The following STK3 variants were observed in gnomAD, a reference collection of about 807,000 sequenced individuals.
STK3 encodes the protein serine/threonine kinase 3, also known as serine/threonine-protein kinase 3.
In STK3, 41 loss-of-function variants were observed where a neutral mutation model predicts 58.0. The ratio of observed to expected loss-of-function variants is 0.71; its 90% confidence interval spans 0.55 to 0.92. STK3 has a LOEUF of 0.92. Among genes scored for constraint, STK3 ranks in the 40% least tolerant of loss-of-function variants. STK3 has a pLI of 0.00. For missense variants in STK3, 479 were observed against 602.7 expected, an observed-to-expected ratio of 0.79 and a Z score of 2.15; for synonymous variants, 170 against 191.0, an observed-to-expected ratio of 0.89 and a Z score of 0.91.
At chr8:98,722,968 C>T (rs769630006) in intron 4 of STK3, 1 of 428,400 alleles carries the variant, frequency 2.3e-6, no homozygotes, top group Non-Finnish European at 4.5e-6. Flanking sequence ...TGTTAAGAAT[C>T]CCTTAAAACA....
chr8:98,801,792 C>CT (rs530525129), intron 1 of STK3, among the ~76,000 whole-genome samples: 19 of 149,602 alleles, frequency 1.3e-4, no homozygotes, highest in South Asian at 4.2e-4. Flanking sequence ...TAGGATATGC[C>CT]TTTTTTTTTT....
chr8:98,685,654 C>G (rs1309136824), intron 6 of STK3, among the ~76,000 whole-genome samples: 3 of 152,020 alleles, frequency 2.0e-5, no homozygotes, highest in African/African-American at 7.2e-5. Context: ...GGAAGCAGTA[C>G]TGAAATTCCC....
intron 1 of STK3, among the ~76,000 whole-genome samples, chr8:98,446,014 G>C (rs1818931942): frequency 6.6e-6 from 1 of 152,224 alleles, no homozygotes; most frequent in Non-Finnish European, 1.5e-5. Flanking sequence ...GCAGGGCAGA[G>C]AGAGTAAGCA....
rs1342527715 is a variant in STK3, at chr8:98,703,246, T to C, written c.684+3221A>G. 3.3e-5 allele frequency among the ~76,000 whole-genome samples: 5 copies of C among 152,302 alleles called. No individual in the cohort carries two copies. In the East Asian group the frequency reaches 9.6e-4, roughly 29 times the overall value. On this transcript the variant is annotated intron_variant, in intron 6 of 10. Transcript: ENST00000419617. ...GGATATTAACACAGAGGATATTTCT[T>C]TGGTGTCTAGGCAAAAACACAGAAC...
At chr8:98,658,790 T>C (rs949382238) in intron 6 of STK3, among the ~76,000 whole-genome samples, 21 of 152,068 alleles carry the variant, frequency 1.4e-4, no homozygotes, top group African/African-American at 5.1e-4. Flanking sequence ...TAAGAATTAC[T>C]AATGAGACAA....
At chr8:98,680,976 CCTTT>C (rs1436944799) in intron 6 of STK3, among the ~76,000 whole-genome samples, 7 of 144,944 alleles carry the variant, frequency 4.8e-5, no homozygotes, top group Admixed American at 7.7e-5. Context: ...TCTAACCCCA[CCTTT>C]CTTTTTTTTT....
chr8:98,667,772 T>C (rs2130822779), intron 6 of STK3, among the ~76,000 whole-genome samples: 1 of 152,170 alleles, frequency 6.6e-6, no homozygotes, highest in South Asian at 2.1e-4. Context: ...AGTGATACAA[T>C]TAGTAACATG....
intron 7 of STK3, among the ~76,000 whole-genome samples, chr8:98,594,205 G>A (rs1432460754): frequency 6.6e-6 from 1 of 152,108 alleles, no homozygotes; most frequent in African/African-American, 2.4e-5. Flanking sequence ...TACTCAGGAG[G>A]CTGAGGTGGG....
intron 1 of STK3, among the ~76,000 whole-genome samples, chr8:98,886,506 A>T (rs1837996404): frequency 6.6e-6 from 1 of 152,270 alleles, no homozygotes. Context: ...ATTTATATGC[A>T]ATATTAGGAT....
At chr8:98,905,292 G>T in intron 1 of STK3, 2 of 832,722 alleles carry the variant, frequency 2.4e-6, no homozygotes, top group Non-Finnish European at 4.2e-6. Context: ...CGGTCTCACT[G>T]CGTCCTCTGA....
chr8:98,621,559 TGAA>T (rs1319660730), intron 6 of STK3, among the ~76,000 whole-genome samples: 1 of 152,198 alleles, frequency 6.6e-6, no homozygotes, highest in Non-Finnish European at 1.5e-5. Flanking sequence ...TTCATCAAAT[TGAA>T]GAAGTTATCT....
chr8:98,674,204 G>T (rs1329388808), intron 6 of STK3, among the ~76,000 whole-genome samples: 1 of 152,074 alleles, frequency 6.6e-6, no homozygotes, highest in Non-Finnish European at 1.5e-5. Flanking sequence ...ATAAAGAGAT[G>T]ACATGCATGA....
chr8:98,768,558 G>T (rs1409158459), intron 2 of STK3, among the ~76,000 whole-genome samples: 1 of 152,138 alleles, frequency 6.6e-6, no homozygotes, highest in Non-Finnish European at 1.5e-5. Flanking sequence ...GGGAATGTAT[G>T]TGTGTGTATC....
At chr8:98,368,950 A>T (rs1817587758), downstream of STK3, among the ~76,000 whole-genome samples, 1 of 152,158 alleles carries the variant, frequency 6.6e-6, no homozygotes, top group Non-Finnish European at 1.5e-5. Flanking sequence ...GCATCACTGG[A>T]CATGTCTGAG....
chr8:98,643,017 G>A (rs1437065208), intron 6 of STK3, among the ~76,000 whole-genome samples: 1 of 152,126 alleles, frequency 6.6e-6, no homozygotes, highest in Non-Finnish European at 1.5e-5. Context: ...GAGCCCAGGA[G>A]TTTGGGACCA....
intron 1 of STK3, among the ~76,000 whole-genome samples, chr8:98,777,133 T>C (rs966833611): frequency 6.6e-6 from 1 of 151,818 alleles, no homozygotes; most frequent in Admixed American, 6.6e-5. Flanking sequence ...TACAAAAAAA[T>C]ACCTTCAGAG....
chr8:98,595,149 T>C lies in STK3; in HGVS notation c.822+883A>G, dbSNP rs966282899. 2.0e-5 allele frequency: 3 copies of C among 152,332 alleles called. No individual in the cohort carries two copies. In the East Asian group the frequency reaches 5.8e-4, roughly 29 times the overall value. 9.4% of individuals were successfully genotyped at this position (152,332 alleles called of 1,614,324 possible). On this transcript the variant is annotated intron_variant, in intron 7 of 10. Coordinates refer to ENST00000419617, the MANE Select transcript of STK3 (RefSeq NM_006281.4). The stretch of plus-strand genomic sequence containing the variant: ...GGATCAAAGAATATATGGATTTTTA[T>C]TTTAAATAGATATTGCTGTACTGGC...
chr8:98,754,880 G>A (rs925112960), intron 3 of STK3, among the ~76,000 whole-genome samples: 7 of 152,046 alleles, frequency 4.6e-5, no homozygotes, highest in Non-Finnish European at 8.8e-5. Flanking sequence ...ATGAATTGAC[G>A]ATTATGTTCA....
At chr8:98,415,174 C>T (rs1361812037) in intron 3 of STK3, among the ~76,000 whole-genome samples, 1 of 152,188 alleles carries the variant, frequency 6.6e-6, no homozygotes, top group Non-Finnish European at 1.5e-5. Context: ...CAATAAGGAA[C>T]CATCTTGGAA....
Sources: gnomAD v4.1 joint callset for allele counts (sites outside exome capture counted in the v4.1 genomes callset) on GRCh38, gnomAD v4.1.1 for gene constraint, MANE v1.5 for transcripts, NCBI Gene and HGNC (gene_info 2026-07-23, HGNC 2026-07-21) for gene names.